CORO1C: variants seen among roughly 807,000 people sequenced by gnomAD.
CORO1C encodes coronin-1C.
A neutral mutation model predicts 51.2 loss-of-function variants in CORO1C; 14 were observed. The ratio of observed to expected loss-of-function variants is 0.27; its 90% CI spans 0.18 to 0.43. The LOEUF is 0.43. CORO1C is among the 20% of genes least tolerant of loss of function. CORO1C has a pLI of 1.00. For missense variants in CORO1C, 417 were observed against 607.8 expected (o/e 0.69, Z 3.30); for synonymous variants, 181 against 210.5 (o/e 0.86, Z 1.21).
At chr12:108,709,429 C>T (rs1329602942) in intron 1 of CORO1C, among the ~76,000 whole-genome samples, 1 of 152,164 alleles carries the variant, frequency 6.6e-6, no homozygotes, top group Admixed American at 6.5e-5. Flanking sequence ...TCTCCCATTT[C>T]AGCACGGTAT....
intron 3 of CORO1C, among the ~76,000 whole-genome samples, chr12:108,676,363 T>C (rs2033909385): frequency 6.6e-6 from 1 of 152,216 alleles, no homozygotes; most frequent in South Asian, 2.1e-4. Flanking sequence ...TTCTGTTTTA[T>C]AATACACACT....
intron 2 of CORO1C, among the ~76,000 whole-genome samples, chr12:108,688,856 C>A (rs2034394401): frequency 6.6e-6 from 1 of 152,100 alleles, no homozygotes; most frequent in African/African-American, 2.4e-5. Context: ...ATGGTGAAAT[C>A]TCGTCTCTAC....
intron 2 of CORO1C, among the ~76,000 whole-genome samples, chr12:108,697,910 T>C (rs191334197): frequency 6.6e-6 from 1 of 152,342 alleles, no homozygotes; most frequent in African/African-American, 2.4e-5. Context: ...CAAATATTCA[T>C]GACTATACCA....
intron 1 of CORO1C, among the ~76,000 whole-genome samples, chr12:108,714,113 G>A (rs1437875329): frequency 2.6e-5 from 4 of 152,128 alleles, no homozygotes; most frequent in South Asian, 2.1e-4. Context: ...AACCTGGGCC[G>A]GGCACAGTGG....
In CORO1C at chr12:108,649,046, T is replaced by C. The variant is rs761899140; in HGVS notation, c.1002-26A>G. The C allele has an allele frequency of 2.0e-5, 33 of 1,612,096 alleles. No individual in the cohort carries two copies. The East Asian group carries it at 6.0e-4, about 29-fold the overall frequency. Reference sequence around the variant, plus strand: ...CTTCAGAGGGGAAATAAAGGCAAAGTTGCATTAAGTGAAATATGAGGCTGA... The same window carrying C: ...CTTCAGAGGGGAAATAAAGGCAAAGCTGCATTAAGTGAAATATGAGGCTGA... On this transcript the variant is annotated intron_variant, in intron 8 of 10. Transcript: ENST00000261401.
intron 4 of CORO1C, among the ~76,000 whole-genome samples, chr12:108,659,713 A>C (rs2033176313): frequency 6.6e-6 from 1 of 152,214 alleles, no homozygotes; most frequent in Non-Finnish European, 1.5e-5. Flanking sequence ...CAAATCAGTG[A>C]GACTCTAAGA....
At chr12:108,686,187 T>G (rs750622984) in intron 2 of CORO1C, among the ~76,000 whole-genome samples, 3 of 152,246 alleles carry the variant, frequency 2.0e-5, no homozygotes, top group African/African-American at 4.8e-5. Flanking sequence ...GCACGACACA[T>G]ACTGATTTAT....
At chr12:108,691,244 T>A (rs2034484525) in intron 2 of CORO1C, among the ~76,000 whole-genome samples, 1 of 152,134 alleles carries the variant, frequency 6.6e-6, no homozygotes, top group Non-Finnish European at 1.5e-5. Flanking sequence ...TCCCATCACA[T>A]GCCCTCTCAG....
At chr12:108,707,921 A>G (rs2035072279) in intron 1 of CORO1C, among the ~76,000 whole-genome samples, 1 of 152,256 alleles carries the variant, frequency 6.6e-6, no homozygotes, top group Admixed American at 6.5e-5. Context: ...AATCAAAACC[A>G]CAATGAGAGA....
rs2136808161 is a variant in CORO1C at position 108,658,908 on chromosome 12, C to T, written c.460G>A (p.Ala154Thr). 6.2e-7 allele frequency: 1 copy of T among 1,606,560 alleles called. No individual in the cohort carries two copies. The highest frequency in any genetic ancestry group is 1.7e-4 in the Middle Eastern group (1 of 6,036). The change falls in exon 5 of 11, where the codon GCC becomes ACC. Residue 154 changes from alanine to threonine, a missense_variant. Physicochemically the swap from Ala to Thr is moderately conservative, Grantham distance 58 (BLOSUM62 0). Transcript: ENST00000261401. This position sits in a 1 kb window ranked among gnomAD's most constrained non-coding sequence, Gnocchi z 4.9. The stretch of plus-strand genomic sequence containing the variant: ...GTTCCCACATTCCAGATGATAATGG[C>T]ATTATCACAGCCTAAAACAGGCAAA... ...NVLLSAGCDN[A>T]IIIWNVGTGE... is the part of the protein sequence containing the mutation.
At chr12:108,695,295 C>T (rs1328262123) in intron 2 of CORO1C, among the ~76,000 whole-genome samples, 3 of 152,180 alleles carry the variant, frequency 2.0e-5, no homozygotes, top group African/African-American at 7.2e-5. Flanking sequence ...AATTCACACT[C>T]CATCAATTCC....
At chr12:108,704,451 G>A (rs1219524445) in intron 1 of CORO1C, among the ~76,000 whole-genome samples, 1 of 149,308 alleles carries the variant, frequency 6.7e-6, no homozygotes, top group Non-Finnish European at 1.5e-5. Flanking sequence ...CAGCCTGGGC[G>A]ACATAGCAAG....
chr12:108,687,033 C>CATTT (rs1169619467), intron 2 of CORO1C, among the ~76,000 whole-genome samples: 1 of 152,162 alleles, frequency 6.6e-6, no homozygotes, highest in African/African-American at 2.4e-5. Context: ...CAAGCACTAT[C>CATTT]ATTTGCTTTG....
rs985185732 is a variant in CORO1C, at chr12:108,646,044, T to G, written c.*1359A>C. 11 of 152,234 alleles carry G rather than the reference T, an allele frequency of 7.2e-5. No individual in the cohort carries two copies. Among genetic ancestry groups the G allele is most frequent in the African/African-American group, 2.7e-4 (11 of 41,432 alleles). The allele number at this position is 152,234 out of a possible 1,614,324, so 9.4% of individuals were successfully genotyped here. A position where few individuals can be genotyped will look rare whatever the true frequency, so the allele number is the denominator to read the frequency against. Reference sequence around the variant, plus strand: ...GAGATGGAGAGGCAGGGCAGGTTAGTTGTGCGGAGGGACATGTTTGTATGC... The same window carrying G: ...GAGATGGAGAGGCAGGGCAGGTTAGGTGTGCGGAGGGACATGTTTGTATGC... On this transcript the variant is annotated 3_prime_UTR_variant, in exon 11 of 11. Coordinates refer to ENST00000261401, the MANE Select transcript of CORO1C (RefSeq NM_014325.4).
chr12:108,701,325 T>C lies in CORO1C; in HGVS notation c.-5-2A>G. 6.2e-7 allele frequency: 1 copy of C among 1,614,202 alleles called. No homozygotes were observed. Among genetic ancestry groups the C allele is most frequent in the African/African-American group, 1.3e-5 (1 of 75,062 alleles). The stretch of plus-strand genomic sequence containing the variant: ...GTCGTACCACTCGCCTCATCGTGTC[T>C]GCAAAGGAAGAGTGAGAATTATGTT... On this transcript the variant is annotated splice_acceptor_variant, in intron 1 of 10. Coordinates refer to ENST00000261401, the MANE Select transcript of CORO1C (RefSeq NM_014325.4). LOFTEE classifies it low-confidence loss of function (5UTR_SPLICE).
intron 2 of CORO1C, among the ~76,000 whole-genome samples, chr12:108,689,186 C>A (rs145282594): frequency 6.6e-6 from 1 of 152,074 alleles, no homozygotes; most frequent in East Asian, 1.9e-4. Flanking sequence ...GGCAACAGAG[C>A]GAGACTCCAT....
chr12:108,725,850 G>A (rs1411587857), intron 1 of CORO1C, among the ~76,000 whole-genome samples: 4 of 151,760 alleles, frequency 2.6e-5, no homozygotes, highest in African/African-American at 4.8e-5. Context: ...TTTCTCTGCC[G>A]CCCAGGCTGG....
At chr12:108,662,452 C>G (rs538208987) in intron 3 of CORO1C, among the ~76,000 whole-genome samples, 1 of 152,272 alleles carries the variant, frequency 6.6e-6, no homozygotes, top group Admixed American at 6.5e-5. Context: ...AGCAATTCTC[C>G]TGCCTCAGAC....
chr12:108,654,130 C>T (rs1241102210), intron 7 of CORO1C, among the ~76,000 whole-genome samples, 176 bp downstream of exon 7: 2 of 152,220 alleles, frequency 1.3e-5, no homozygotes, highest in Non-Finnish European at 2.9e-5. Flanking sequence ...TGGCAAGCTG[C>T]ACACAGTCCA....
Sources: gnomAD v4.1 joint callset for allele counts (sites outside exome capture counted in the v4.1 genomes callset) on GRCh38, gnomAD v4.1.1 for gene constraint, Gnocchi (gnomAD v3.1) non-coding constraint, MANE v1.5 for transcripts, NCBI Gene and HGNC (gene_info 2026-07-23, HGNC 2026-07-21) for gene names.